Variants in DLGAP2 observed in about 807,000 individuals in gnomAD.
The protein encoded by DLGAP2 is disks large-associated protein 2.
In DLGAP2, 26 loss-of-function variants were observed where a neutral mutation model predicts 100.3. That is an observed-to-expected ratio of 0.26 (90% CI 0.19 to 0.36). DLGAP2 has a LOEUF of 0.36. DLGAP2 is among the 10% of genes least tolerant of loss of function. DLGAP2 has a pLI of 1.00. For synonymous variants in DLGAP2, 886 were observed against 630.1 expected (o/e 1.41, Z -6.08); for missense variants, 1,858 against 1,453.2 (o/e 1.28, Z -4.53).
chr8:1,673,593 C>A (rs1460860221), intron 10 of DLGAP2, among the ~76,000 whole-genome samples: 1 of 152,182 alleles, frequency 6.6e-6, no homozygotes, highest in Non-Finnish European at 1.5e-5. Flanking sequence ...ATTCACGTGA[C>A]CGTCCTTAAA....
At chr8:909,236 T>A (rs1251555142) in intron 2 of DLGAP2, among the ~76,000 whole-genome samples, 3 of 152,208 alleles carry the variant, frequency 2.0e-5, no homozygotes, top group African/African-American at 7.2e-5. Flanking sequence ...CTGGAAGTCT[T>A]GGTTATGAGT....
At chr8:1,302,708 A>G (rs1306681427) in intron 3 of DLGAP2, 1 of 152,232 alleles carries the variant, frequency 6.6e-6, no homozygotes, top group Non-Finnish European at 1.5e-5. Context: ...TTGTGATATG[A>G]CCCCAGTTAC....
chr8:1,149,639 G>A (rs1231331158), intron 2 of DLGAP2, among the ~76,000 whole-genome samples: 2 of 151,940 alleles, frequency 1.3e-5, no homozygotes, highest in African/African-American at 2.4e-5. Context: ...TTTTCATCTG[G>A]TCAGACTGTA....
At chr8:1,387,347 G>T (rs1209561632) in intron 3 of DLGAP2, among the ~76,000 whole-genome samples, 1 of 152,182 alleles carries the variant, frequency 6.6e-6, no homozygotes, top group African/African-American at 2.4e-5. Context: ...TAAAATAAAA[G>T]AATGGAATAA....
intron 2 of DLGAP2, among the ~76,000 whole-genome samples, chr8:1,183,116 C>G (rs1234896444): frequency 6.6e-6 from 1 of 151,924 alleles, no homozygotes; most frequent in Non-Finnish European, 1.5e-5. Context: ...GTTCGATTCC[C>G]TCGAGATGCC....
intron 4 of DLGAP2, among the ~76,000 whole-genome samples, chr8:1,508,946 T>G (rs1446971622): frequency 6.6e-6 from 1 of 152,134 alleles, no homozygotes; most frequent in Non-Finnish European, 1.5e-5. Context: ...CACTGAGTTT[T>G]AAACCATGGG....
chr8:1,643,501 T>C (rs1457661557), intron 8 of DLGAP2, among the ~76,000 whole-genome samples: 1 of 26,022 alleles, frequency 3.8e-5, no homozygotes, highest in African/African-American at 5.5e-4. Flanking sequence ...CCGCCGGTCC[T>C]CACCTGTGTC....
chr8:1,083,823 T>C (rs990361043), intron 2 of DLGAP2, among the ~76,000 whole-genome samples: 1 of 152,224 alleles, frequency 6.6e-6, no homozygotes, highest in Non-Finnish European at 1.5e-5. Context: ...AAAAAGAGTC[T>C]TATTTTGCAC....
chr8:1,649,151 C>T (rs933900522), intron 8 of DLGAP2, among the ~76,000 whole-genome samples: 2 of 152,202 alleles, frequency 1.3e-5, no homozygotes, highest in African/African-American at 2.4e-5. Context: ...TTACCTAAAG[C>T]TTAAGATGTC....
chr8:1,343,705 G>A lies in DLGAP2; in HGVS notation c.106+84822G>A, dbSNP rs1424255648. Among the ~76,000 whole-genome samples, 5 of 128,796 alleles carry A rather than the reference G, an allele frequency of 3.9e-5. No individual in the cohort carries two copies. The East Asian group carries it at 7.6e-4, about 19-fold the overall frequency. The allele number at this position is 128,796 out of a possible 152,430, so 84.5% of individuals were successfully genotyped here. ...CTTTTGGAGCAGTTTGCATCTGGGG[G>A]GTCGTGGGGGGTGTTAGAGGCTCCG... On this transcript the variant is annotated intron_variant, in intron 3 of 14. Coordinates refer to ENST00000637795, the MANE Select transcript of DLGAP2 (RefSeq NM_001346810.2).
At chr8:1,275,540 C>T in intron 3 of DLGAP2, among the ~76,000 whole-genome samples, 1 of 151,368 alleles carries the variant, frequency 6.6e-6, no homozygotes, top group East Asian at 1.9e-4. Flanking sequence ...GCATCATTTT[C>T]ATGCAAACTG....
intron 6 of DLGAP2, among the ~76,000 whole-genome samples, chr8:1,620,703 C>G (rs1797305078): frequency 6.6e-6 from 1 of 152,104 alleles, no homozygotes; most frequent in South Asian, 2.1e-4. Flanking sequence ...GAAACCAGCT[C>G]AAGTCTGCAG....
intron 3 of DLGAP2, among the ~76,000 whole-genome samples, chr8:1,317,270 AAC>A (rs1563079160): frequency 1.0e-3 from 134 of 133,474 alleles, no homozygotes; most frequent in South Asian, 2.0e-3. Context: ...GCGTCTCTCC[AAC>A]AGTGGTCTAC....
intron 2 of DLGAP2, among the ~76,000 whole-genome samples, chr8:1,045,640 G>T (rs567236024): frequency 6.6e-6 from 1 of 152,044 alleles, no homozygotes; most frequent in African/African-American, 2.4e-5. Context: ...CCCCAACCGC[G>T]CCCCCACCCA....
chr8:1,237,539 G>T (rs1253745285), intron 2 of DLGAP2, among the ~76,000 whole-genome samples: 7 of 125,324 alleles, frequency 5.6e-5, no homozygotes, highest in Admixed American at 1.7e-4. Flanking sequence ...ATCGTGTCTA[G>T]TTCTCTCACA....
intron 3 of DLGAP2, among the ~76,000 whole-genome samples, chr8:1,479,326 G>C (rs932778449): frequency 6.6e-6 from 1 of 152,208 alleles, no homozygotes; most frequent in African/African-American, 2.4e-5. Context: ...ATGATTAGCC[G>C]CCTCTCAAGC....
intron 3 of DLGAP2, among the ~76,000 whole-genome samples, chr8:1,379,882 C>T (rs11779063): frequency 1.5e-4 from 12 of 82,536 alleles, no homozygotes; most frequent in African/African-American, 4.4e-4. Context: ...ATTTGGGGTG[C>T]CTTCCCTTCC....
chr8:1,148,922 G>A (rs1796651004), intron 2 of DLGAP2, among the ~76,000 whole-genome samples: 1 of 152,098 alleles, frequency 6.6e-6, no homozygotes, highest in African/African-American at 2.4e-5. Flanking sequence ...TGGTCTCTAT[G>A]TATCAATAAT....
At chr8:989,982 C>A (rs1275160022) in intron 2 of DLGAP2, among the ~76,000 whole-genome samples, 1 of 152,048 alleles carries the variant, frequency 6.6e-6, no homozygotes, top group Non-Finnish European at 1.5e-5. Flanking sequence ...GGAACGTATT[C>A]CTCAGAAAGC....
Sources: gnomAD v4.1 joint callset for allele counts (sites outside exome capture counted in the v4.1 genomes callset) on GRCh38, gnomAD v4.1.1 for gene constraint, MANE v1.5 for transcripts, NCBI Gene and HGNC (gene_info 2026-07-23, HGNC 2026-07-21) for gene names.